CORO2B: variants seen among roughly 807,000 people sequenced by gnomAD.
The protein encoded by CORO2B is coronin 2B, also known as coronin-2B.
A neutral mutation model predicts 58.8 loss-of-function variants in CORO2B; 26 were observed. The ratio of observed to expected loss-of-function variants is 0.44; its 90% CI spans 0.32 to 0.61. The LOEUF is 0.61. Ranked by LOEUF, CORO2B falls within the 20% of genes least tolerant of loss-of-function variation. The pLI is 0.04. For synonymous variants in CORO2B, 242 were observed against 253.8 expected (o/e 0.95, Z 0.44); for missense variants, 460 against 645.1 (o/e 0.71, Z 3.11).
chr15:68,622,423 A>G (rs1175639057), intron 1 of CORO2B, among the ~76,000 whole-genome samples: 3 of 152,176 alleles, frequency 2.0e-5, no homozygotes, highest in Admixed American at 6.5e-5. Flanking sequence ...GAGCTAGCCT[A>G]TAATTCACTC....
At chr15:68,564,169 C>G in the CORO2B span, among the ~76,000 whole-genome samples, 1,197 of 152,294 alleles carry the variant, frequency 7.9e-3, 21 homozygotes, top group African/African-American at 0.027. Context: ...TAGCAAAATA[C>G]TGCAAATTGG....
intron 8 of CORO2B, among the ~76,000 whole-genome samples, chr15:68,716,190 C>T (rs1474775255): frequency 6.6e-6 from 1 of 152,234 alleles, no homozygotes; most frequent in African/African-American, 2.4e-5. Flanking sequence ...CTGTCATCCC[C>T]ACCTCCTTCA....
In CORO2B at chr15:68,726,055, A is replaced by G; in HGVS notation, c.*81A>G. On this transcript the variant is annotated 3_prime_UTR_variant, in exon 12 of 12. Transcript: ENST00000261861. ...TAACTTCTCCCTTACCAGTGACCCC[A>G]GAGACAGAGCCAGGACAGGAGTGGG... The G allele has an allele frequency of 1.9e-6, 3 of 1,571,122 alleles. No individual in the cohort carries two copies. The highest frequency in any genetic ancestry group is 2.6e-6 in the Non-Finnish European group (3 of 1,162,516).
chr15:68,715,441 G>C (rs1893010602), intron 8 of CORO2B, 130 bp downstream of exon 8: 1 of 649,998 alleles, frequency 1.5e-6, no homozygotes, highest in Non-Finnish European at 2.7e-6. Context: ...AGTTGGAACA[G>C]AACCTGCAAG....
chr15:68,616,288 AG>A (rs1900355883), intron 1 of CORO2B, among the ~76,000 whole-genome samples: 3 of 152,186 alleles, frequency 2.0e-5, no homozygotes, highest in African/African-American at 7.2e-5. Flanking sequence ...CGGGGGAAAA[AG>A]GGTTAAGAAT....
At chr15:68,575,420 C>T (rs867685120), upstream of CORO2B, among the ~76,000 whole-genome samples, 2 of 92,824 alleles carry the variant, frequency 2.2e-5, no homozygotes, top group African/African-American at 7.6e-5. Context: ...TCACTGCAAC[C>T]TCCGCCTCCC....
upstream of CORO2B, among the ~76,000 whole-genome samples, chr15:68,574,049 AC>A (rs368255810): frequency 1.1e-3 from 174 of 152,202 alleles, no homozygotes; most frequent in African/African-American, 3.4e-3. Context: ...TTGGACTTCA[AC>A]CTGAGGACAC....
At chr15:68,633,514 T>TACATACACACACAC (rs1555412723) in intron 1 of CORO2B, among the ~76,000 whole-genome samples, 1 of 144,000 alleles carries the variant, frequency 6.9e-6, no homozygotes, top group Non-Finnish European at 1.5e-5. Flanking sequence ...TACTCCAACA[T>TACATACACACACAC]ACACACACAC....
intron 2 of CORO2B, among the ~76,000 whole-genome samples, chr15:68,691,067 C>T (rs1193045527): frequency 2.0e-5 from 3 of 151,604 alleles, no homozygotes; most frequent in Non-Finnish European, 2.9e-5. Flanking sequence ...CGGTGGCTCA[C>T]GCCTGTAATC....
At chr15:68,558,948 A>G in the CORO2B span, among the ~76,000 whole-genome samples, 5 of 151,910 alleles carry the variant, frequency 3.3e-5, no homozygotes, top group Admixed American at 3.3e-4. Context: ...GTGGGTGAAG[A>G]GGTGACCCAC....
At chr15:68,671,342 G>A (rs1902388308) in intron 2 of CORO2B, among the ~76,000 whole-genome samples, 1 of 152,146 alleles carries the variant, frequency 6.6e-6, no homozygotes, top group Non-Finnish European at 1.5e-5. Context: ...TGAGACCCAG[G>A]AAAATTGGCT....
Position 68,718,837 on chromosome 15 carries a change from G to A in CORO2B, c.1080+27G>A, listed in dbSNP as rs760138852. On this transcript the variant is annotated intron_variant, in intron 9 of 11. Coordinates refer to ENST00000261861, the MANE Select transcript of CORO2B (RefSeq NM_006091.5). ...TAAGTGGGGCTGGGCTGGGCTCCAG[G>A]AGGGGGGCCTGCATCGCCTCTTAGC... The A allele has an allele frequency of 2.5e-6, 4 of 1,574,216 alleles. No homozygotes were observed. In the African/African-American group the frequency reaches 5.4e-5, roughly 21 times the overall value.
chr15:68,681,995 G>A (rs1902805058), intron 2 of CORO2B, among the ~76,000 whole-genome samples: 1 of 152,132 alleles, frequency 6.6e-6, no homozygotes, highest in Non-Finnish European at 1.5e-5. Context: ...AGCTCCGGAG[G>A]GCCCAGTCCC....
the CORO2B span, among the ~76,000 whole-genome samples, chr15:68,558,993 C>T: frequency 6.6e-6 from 1 of 152,304 alleles, no homozygotes; most frequent in African/African-American, 2.4e-5. Context: ...TCTGTCTTTC[C>T]CTACTTTACC....
At chr15:68,540,905 A>G in the CORO2B span, among the ~76,000 whole-genome samples, 1 of 152,208 alleles carries the variant, frequency 6.6e-6, no homozygotes, top group Non-Finnish European at 1.5e-5. Flanking sequence ...ACAGTAAAAA[A>G]AGAGGATTAT....
At chr15:68,599,805 T>C (rs1430829864) in intron 1 of CORO2B, among the ~76,000 whole-genome samples, 1 of 152,222 alleles carries the variant, frequency 6.6e-6, no homozygotes, top group East Asian at 1.9e-4. Context: ...CATTATGCTG[T>C]GACTCAAAAA....
At chr15:68,721,537 C>G (rs1287183135) in intron 11 of CORO2B, among the ~76,000 whole-genome samples, 1 of 151,924 alleles carries the variant, frequency 6.6e-6, no homozygotes, top group Non-Finnish European at 1.5e-5. Flanking sequence ...GAAACCCTGT[C>G]TCTACTAAAA....
the CORO2B span, among the ~76,000 whole-genome samples, chr15:68,541,181 G>A: frequency 4.8e-4 from 73 of 151,788 alleles, no homozygotes; most frequent in African/African-American, 1.7e-3. Flanking sequence ...GCTGCAGTGA[G>A]TCAAAATGGT....
chr15:68,637,120 T>C (rs1308148265), intron 1 of CORO2B, among the ~76,000 whole-genome samples: 2 of 152,210 alleles, frequency 1.3e-5, no homozygotes, highest in African/African-American at 2.4e-5. Context: ...GACACACTCC[T>C]CACATGATTC....
Sources: gnomAD v4.1 joint callset for allele counts (sites outside exome capture counted in the v4.1 genomes callset) on GRCh38, gnomAD v4.1.1 for gene constraint, MANE v1.5 for transcripts, NCBI Gene and HGNC (gene_info 2026-07-23, HGNC 2026-07-21) for gene names.